CADPS: variants seen among roughly 807,000 people sequenced by gnomAD.
The protein encoded by CADPS is calcium-dependent secretion activator 1.
In CADPS, 57 loss-of-function variants were observed where a neutral mutation model predicts 167.3. That is an observed-to-expected ratio of 0.34 (90% CI 0.28 to 0.42). The LOEUF (loss-of-function observed/expected upper bound fraction) is 0.42, where lower values mean the gene tolerates loss of function less well. Ranked by LOEUF, CADPS falls within the 20% of genes least tolerant of loss-of-function variation. The pLI, the probability that CADPS is intolerant of heterozygous loss-of-function variation, is 1.00. For synonymous variants in CADPS, 676 were observed against 635.3 expected, an observed-to-expected ratio of 1.06 and a Z score of -0.96; for missense variants, 1,414 against 1,738.1, an observed-to-expected ratio of 0.81 and a Z score of 3.32.
intron 1 of CADPS, among the ~76,000 whole-genome samples, chr3:62,794,480 G>C (rs2093223191): frequency 6.6e-6 from 1 of 152,146 alleles, no homozygotes; most frequent in African/African-American, 2.4e-5. Context: ...AACAGAGCTG[G>C]TAAGTGGAGC....
chr3:62,778,296 C>T lies in CADPS; in HGVS notation c.442-12312G>A, dbSNP rs569950303. Among the ~76,000 whole-genome samples the T allele has an allele frequency of 4.6e-5, 7 of 152,266 alleles. No individual in the cohort carries two copies. In the South Asian group the frequency reaches 6.2e-4, roughly 14 times the overall value. ...TATAATATTTTGTTGCAAGAAATGT[C>T]GAGATCATTGTCCCTGTGGTTAGTT... On this transcript the variant is annotated intron_variant, in intron 1 of 29. Transcript: ENST00000383710.
At chr3:62,709,299 G>C (rs2082929815) in intron 3 of CADPS, among the ~76,000 whole-genome samples, 1 of 152,148 alleles carries the variant, frequency 6.6e-6, no homozygotes, top group African/African-American at 2.4e-5. Context: ...TGTAGAAAAT[G>C]TGTGGCAAAG....
At chr3:62,418,668 G>C (rs1349554547) in intron 28 of CADPS, among the ~76,000 whole-genome samples, 3 of 151,652 alleles carry the variant, frequency 2.0e-5, no homozygotes, top group Admixed American at 6.6e-5. Flanking sequence ...ATAACTACAT[G>C]AATGCCCTAT....
intron 3 of CADPS, among the ~76,000 whole-genome samples, chr3:62,744,695 T>G (rs1490668186): frequency 2.0e-5 from 3 of 152,252 alleles, no homozygotes; most frequent in Admixed American, 2.0e-4. Flanking sequence ...TACAATTTTG[T>G]GGCTCAATGC....
intron 3 of CADPS, among the ~76,000 whole-genome samples, chr3:62,715,973 C>G (rs1018623544): frequency 2.6e-5 from 4 of 151,992 alleles, no homozygotes; most frequent in Non-Finnish European, 5.9e-5. Context: ...TCTCGATCTC[C>G]TGACCTCATG....
intron 28 of CADPS, among the ~76,000 whole-genome samples, chr3:62,414,181 G>A (rs1029417850): frequency 2.6e-5 from 4 of 152,124 alleles, no homozygotes; most frequent in African/African-American, 9.7e-5. Flanking sequence ...TTTTTACACC[G>A]TGAACCACAT....
chr3:62,732,318 C>A (rs520305), intron 3 of CADPS, among the ~76,000 whole-genome samples: 1 of 151,956 alleles, frequency 6.6e-6, no homozygotes, highest in Non-Finnish European at 1.5e-5. Flanking sequence ...AGCTGTCAAG[C>A]TGGAAAGTGT....
chr3:62,860,892 G>A (rs574962955), intron 1 of CADPS, among the ~76,000 whole-genome samples: 126 of 152,262 alleles, frequency 8.3e-4, no homozygotes, highest in African/African-American at 1.4e-3. Context: ...GAGCTTGAAC[G>A]TTCCTTATTC....
intron 6 of CADPS, among the ~76,000 whole-genome samples, chr3:62,630,433 C>T (rs1335739934): frequency 6.6e-6 from 1 of 152,154 alleles, no homozygotes; most frequent in Non-Finnish European, 1.5e-5. Flanking sequence ...TCCCACCTCT[C>T]AGCTTCAAGC....
intron 1 of CADPS, among the ~76,000 whole-genome samples, chr3:62,773,132 T>G (rs2089356705): frequency 1.3e-5 from 2 of 151,790 alleles, no homozygotes; most frequent in Admixed American, 1.3e-4. Flanking sequence ...ATTTAATTTC[T>G]TTTTTTTGAA....
intron 26 of CADPS, among the ~76,000 whole-genome samples, chr3:62,447,484 G>T (rs116432727): frequency 6.6e-6 from 1 of 152,106 alleles, no homozygotes; most frequent in African/African-American, 2.4e-5. Context: ...ATAATGTCAT[G>T]AGAGCAAAGG....
intron 24 of CADPS, 133 bp from the exon 25 acceptor site, chr3:62,466,546 A>G: frequency 1.4e-6 from 1 of 699,472 alleles, no homozygotes; most frequent in Non-Finnish European, 2.6e-6. Context: ...AGTCCCAGAA[A>G]TATTTATAAG....
intron 13 of CADPS, among the ~76,000 whole-genome samples, chr3:62,531,082 T>G (rs2073557261): frequency 6.6e-6 from 1 of 152,204 alleles, no homozygotes; most frequent in Admixed American, 6.5e-5. Flanking sequence ...TCTTACAATA[T>G]GAAATCCAGA....
At chr3:62,695,961 G>A (rs1027042687) in intron 3 of CADPS, among the ~76,000 whole-genome samples, 15 of 151,984 alleles carry the variant, frequency 9.9e-5, no homozygotes, top group Admixed American at 7.9e-4. Context: ...TATTCTGAAC[G>A]CTCCCACGTA....
rs1704895215 is a variant in CADPS at position 62,398,792 on chromosome 3, G to A, written c.*614C>T. On this transcript the variant is annotated 3_prime_UTR_variant, in exon 30 of 30. Coordinates refer to ENST00000383710, the MANE Select transcript of CADPS (RefSeq NM_003716.4). ...TGGCAATTAAGAGAATCAATCCATT[G>A]GTATGTAGCCATCCTTTTTTTTTTG... is the stretch of plus-strand genomic sequence containing the variant. 6.6e-6 allele frequency: 1 copy of A among 151,972 alleles called. No homozygotes were observed. The highest frequency in any genetic ancestry group is 1.5e-5 in the Non-Finnish European group (1 of 68,026). The allele number at this position is 151,972 out of a possible 1,614,324, so 9.4% of individuals were successfully genotyped here. A position where few individuals can be genotyped will look rare whatever the true frequency, so the allele number is the denominator to read the frequency against.
At chr3:62,685,508 C>T (rs1303429238) in intron 3 of CADPS, among the ~76,000 whole-genome samples, 1 of 151,862 alleles carries the variant, frequency 6.6e-6, no homozygotes, top group African/African-American at 2.4e-5. Context: ...GTTTAATAAA[C>T]TGAAGTCCAG....
At chr3:62,866,086 A>G (rs575818168) in intron 1 of CADPS, among the ~76,000 whole-genome samples, 2 of 152,272 alleles carry the variant, frequency 1.3e-5, no homozygotes, top group East Asian at 1.9e-4. Context: ...AACACACACT[A>G]TGGTGATTCA....
chr3:62,830,688 C>T (rs905223178), intron 1 of CADPS, among the ~76,000 whole-genome samples: 7 of 152,102 alleles, frequency 4.6e-5, no homozygotes, highest in Non-Finnish European at 7.4e-5. Context: ...TTTCAATACA[C>T]GGCCTTTTCA....
chr3:62,617,331 T>C (rs2062473548), intron 6 of CADPS, among the ~76,000 whole-genome samples: 1 of 152,092 alleles, frequency 6.6e-6, no homozygotes. Context: ...GCAGCTGGAA[T>C]GGGTCTTAAG....
Sources: allele counts gnomAD v4.1 joint callset (sites outside exome capture counted in the v4.1 genomes callset), GRCh38; gene constraint gnomAD v4.1.1; transcripts MANE v1.5; gene names NCBI Gene and HGNC (gene_info 2026-07-23, HGNC 2026-07-21).